Variants in HIKESHI observed in about 807,000 individuals in gnomAD.
HIKESHI encodes the protein protein Hikeshi.
In HIKESHI, 13 loss-of-function variants were observed where a neutral mutation model predicts 25.7. The ratio of observed to expected loss-of-function variants is 0.51; its 90% CI spans 0.33 to 0.80. HIKESHI has a LOEUF of 0.80. HIKESHI is among the 30% of genes least tolerant of loss of function. HIKESHI has a pLI of 0.02. For missense variants in HIKESHI, 174 were observed against 229.5 expected (o/e 0.76, Z 1.56); for synonymous variants, 76 against 78.7 (o/e 0.97, Z 0.18).
chr11:86,312,126 T>C (rs1216928931), intron 2 of HIKESHI, among the ~76,000 whole-genome samples: 1 of 152,192 alleles, frequency 6.6e-6, no homozygotes, highest in Non-Finnish European at 1.5e-5. Context: ...GTTAACTTTC[T>C]GTCTCGTTGA....
intron 2 of HIKESHI, among the ~76,000 whole-genome samples, chr11:86,316,946 A>T (rs896893752): frequency 2.0e-5 from 3 of 151,626 alleles, no homozygotes; most frequent in African/African-American, 7.3e-5. Flanking sequence ...GGTGACCACC[A>T]CCATGCCTGG....
intron 1 of HIKESHI, chr11:86,303,482 C>G (rs1206860078): frequency 2.5e-6 from 2 of 811,118 alleles, no homozygotes; most frequent in African/African-American, 3.7e-5. Flanking sequence ...TTGCCCTGCT[C>G]TTAATAGGGA....
intron 2 of HIKESHI, among the ~76,000 whole-genome samples, chr11:86,316,247 A>T (rs1464243161): frequency 6.6e-6 from 1 of 151,876 alleles, no homozygotes; most frequent in Non-Finnish European, 1.5e-5. Context: ...GTGGTGGCTC[A>T]TGCCTGTAAT....
intron 2 of HIKESHI, among the ~76,000 whole-genome samples, chr11:86,318,095 G>T (rs1318211237): frequency 2.0e-5 from 3 of 151,646 alleles, no homozygotes; most frequent in South Asian, 2.1e-4. Context: ...ACGAGGTCAG[G>T]AGATCAAGAC....
intron 2 of HIKESHI, among the ~76,000 whole-genome samples, chr11:86,325,726 G>C (rs543037235): frequency 6.6e-6 from 1 of 152,006 alleles, no homozygotes; most frequent in East Asian, 1.9e-4. Context: ...ACAAAAATTA[G>C]CTGGGCGTGG....
intron 2 of HIKESHI, among the ~76,000 whole-genome samples, chr11:86,319,238 A>ATTTT (rs1246298090): frequency 3.5e-4 from 29 of 82,998 alleles, no homozygotes; most frequent in Middle Eastern, 5.4e-3. Flanking sequence ...ATATATATAT[A>ATTTT]TATATTTTTT....
At chr11:86,302,921 T>C (rs1343784511) in intron 1 of HIKESHI, among the ~76,000 whole-genome samples, 1 of 152,218 alleles carries the variant, frequency 6.6e-6, no homozygotes, top group Non-Finnish European at 1.5e-5. Context: ...ATTTGGTCTA[T>C]AGCAAACTGT....
intron 2 of HIKESHI, among the ~76,000 whole-genome samples, chr11:86,314,354 G>A (rs1451166055): frequency 1.3e-5 from 2 of 152,056 alleles, no homozygotes; most frequent in Non-Finnish European, 2.9e-5. Flanking sequence ...GGTGGCTCAC[G>A]CCTGTAATCC....
intron 2 of HIKESHI, among the ~76,000 whole-genome samples, chr11:86,318,149 A>C (rs1947038119): frequency 6.6e-6 from 1 of 151,230 alleles, no homozygotes; most frequent in Non-Finnish European, 1.5e-5. Context: ...CTAAAAATAC[A>C]AAAAAATAGC....
rs537199996 is a variant in HIKESHI at position 86,313,792 on chromosome 11, G to A, written c.268+7310G>A. On this transcript the variant is annotated intron_variant, in intron 2 of 4. Coordinates refer to ENST00000278483, the MANE Select transcript of HIKESHI (RefSeq NM_016401.4). ...AAAAGGTAGCAATTAACTCGTAAGT[G>A]GGTTGGGGAAGCTTTCCTGGAGGAG... is the stretch of plus-strand genomic sequence containing the variant. 2.0e-5 allele frequency among the ~76,000 whole-genome samples: 3 copies of A among 152,298 alleles called. No homozygotes were observed. In the East Asian group the frequency reaches 5.8e-4, roughly 29 times the overall value.
chr11:86,302,551 C>G (rs912148668), intron 1 of HIKESHI, 73 bp downstream of exon 1: 1 of 1,508,636 alleles, frequency 6.6e-7, no homozygotes, highest in East Asian at 2.5e-5. Flanking sequence ...AGGGAGGGTG[C>G]GCAGGCGCTA....
At chr11:86,333,901 G>A (rs954220129) in intron 2 of HIKESHI, among the ~76,000 whole-genome samples, 1 of 152,180 alleles carries the variant, frequency 6.6e-6, no homozygotes, top group Non-Finnish European at 1.5e-5. Flanking sequence ...AGCCGTTAAA[G>A]GTTTCAAAAC....
At chr11:86,336,328 T>A (rs1947559308) in intron 2 of HIKESHI, among the ~76,000 whole-genome samples, 1 of 152,182 alleles carries the variant, frequency 6.6e-6, no homozygotes, top group Non-Finnish European at 1.5e-5. Flanking sequence ...AATGTTTGTG[T>A]CTTTTTATAT....
chr11:86,308,290 T>TACACA (rs1360818948), intron 2 of HIKESHI, among the ~76,000 whole-genome samples: 5 of 78,600 alleles, frequency 6.4e-5, no homozygotes, highest in African/African-American at 1.2e-4. Context: ...AAAATATATA[T>TACACA]TACATATAAT....
intron 2 of HIKESHI, among the ~76,000 whole-genome samples, chr11:86,311,939 T>G (rs1002004608): frequency 7.9e-5 from 12 of 152,216 alleles, no homozygotes; most frequent in Non-Finnish European, 1.3e-4. Flanking sequence ...TTGTTATAAT[T>G]TTTTTTCTTT....
At chr11:86,309,214 A>G (rs1946767602) in intron 2 of HIKESHI, among the ~76,000 whole-genome samples, 1 of 152,098 alleles carries the variant, frequency 6.6e-6, no homozygotes, top group African/African-American at 2.4e-5. Flanking sequence ...ATTTCTCCAC[A>G]TCCTCTCCAG....
intron 3 of HIKESHI, among the ~76,000 whole-genome samples, chr11:86,338,509 TAGAA>T (rs1324365583): frequency 1.3e-5 from 2 of 152,072 alleles, no homozygotes; most frequent in Non-Finnish European, 1.5e-5. Flanking sequence ...CTTAGTGAAA[TAGAA>T]AGGACGATCA....
chr11:86,333,557 C>A (rs77690162), intron 2 of HIKESHI, among the ~76,000 whole-genome samples: 22 of 144,628 alleles, frequency 1.5e-4, no homozygotes, highest in Admixed American at 3.4e-4. Flanking sequence ...AACAAACAAA[C>A]AAAAAAAAAA....
At chr11:86,312,454 C>G (rs1377558618) in intron 2 of HIKESHI, among the ~76,000 whole-genome samples, 5 of 152,094 alleles carry the variant, frequency 3.3e-5, no homozygotes, top group African/African-American at 1.2e-4. Context: ...CTATGTGTGT[C>G]TGCACGTGAG....
Sources: gnomAD v4.1 joint callset for allele counts (sites outside exome capture counted in the v4.1 genomes callset) on GRCh38, gnomAD v4.1.1 for gene constraint, MANE v1.5 for transcripts, NCBI Gene and HGNC (gene_info 2026-07-23, HGNC 2026-07-21) for gene names.